TDRD9: variants seen among roughly 807,000 people sequenced by gnomAD.
TDRD9 encodes the protein ATP-dependent RNA helicase TDRD9.
A neutral mutation model predicts 172.6 loss-of-function variants in TDRD9; 124 were observed. The ratio of observed to expected loss-of-function variants is 0.72; its 90% CI spans 0.62 to 0.83. The LOEUF (loss-of-function observed/expected upper bound fraction) is 0.83. Ranked by LOEUF, TDRD9 falls within the 40% of genes least tolerant of loss-of-function variation. The pLI is 0.00. For missense variants in TDRD9, 1,479 were observed against 1,714.1 expected (o/e 0.86, Z 2.42); for synonymous variants, 619 against 617.1 (o/e 1.00, Z -0.05).
At chr14:103,938,458 A>ATTTTTTTTT (rs2030955755) in intron 1 of TDRD9, among the ~76,000 whole-genome samples, 1 of 5,624 alleles carries the variant, frequency 1.8e-4, no homozygotes, top group African/African-American at 4.4e-4. Flanking sequence ...TTTTTTTTTG[A>ATTTTTTTTT]GATGGTGTCT....
intron 2 of TDRD9, among the ~76,000 whole-genome samples, chr14:103,956,149 T>TATATATATAA (rs1566738502): frequency 2.0e-5 from 2 of 102,060 alleles, no homozygotes; most frequent in Non-Finnish European, 3.7e-5. Flanking sequence ...TATATATATA[T>TATATATATAA]AATTATTAGG....
rs2032765503 is a variant in TDRD9, at chr14:103,966,713, G to T, written c.647G>T (p.Gly216Val). The T allele has an allele frequency of 6.5e-7, 1 of 1,536,086 alleles. No individual in the cohort carries two copies. Among genetic ancestry groups the T allele is most frequent in the Admixed American group, 2.0e-5 (1 of 49,472 alleles). Residue 216 changes from glycine to valine, a missense_variant, in exon 5 of 36, where the codon GGG becomes GTG. Physicochemically the swap from Gly to Val is moderately radical, Grantham distance 109. Coordinates refer to ENST00000409874, the MANE Select transcript of TDRD9 (RefSeq NM_153046.3). ...TTTTTCCTTCTCCAATTTTAGGTAG[G>T]GCTAGAGAAAATAGCAACAGAGGAC... ...TLGGVVGYQV[G>V]LEKIATEDTR...
intron 9 of TDRD9, among the ~76,000 whole-genome samples, chr14:103,993,843 G>A (rs1400435577): frequency 1.3e-5 from 2 of 152,186 alleles, no homozygotes; most frequent in Non-Finnish European, 2.9e-5. Context: ...CTTTTTAGGG[G>A]ACACAGTTCA....
In TDRD9 at chr14:104,052,451, T is replaced by G. The variant is rs576528517; in HGVS notation, c.*369T>G. The G allele has an allele frequency of 6.5e-4, 103 of 158,636 alleles. No individual in the cohort carries two copies. The highest frequency in any genetic ancestry group is 1.2e-3 in the Non-Finnish European group (87 of 71,734). 9.8% of individuals were successfully genotyped at this position (158,636 alleles called of 1,614,324 possible). A position where few individuals can be genotyped will look rare whatever the true frequency, so the allele number is the denominator to read the frequency against. ...TTCCAGAATGTGCTTACATATTCTG[T>G]TCTGTTACAGTGATTTAAACCAGTA... On this transcript the variant is annotated 3_prime_UTR_variant, in exon 36 of 36. Transcript: ENST00000409874.
intron 28 of TDRD9, 92 bp from the exon 29 acceptor site, chr14:104,031,016 T>TA: frequency 8.7e-7 from 1 of 1,154,018 alleles, no homozygotes; most frequent in Non-Finnish European, 1.2e-6. Flanking sequence ...GAAATCAGAG[T>TA]AACACTGTGC....
chr14:103,981,023 C>A (rs1411788846), intron 7 of TDRD9, among the ~76,000 whole-genome samples: 2 of 152,116 alleles, frequency 1.3e-5, no homozygotes, highest in African/African-American at 4.8e-5. Flanking sequence ...ATAATCATAT[C>A]TAAGATCTAT....
chr14:104,046,622 A>G (rs886231300), intron 34 of TDRD9, among the ~76,000 whole-genome samples: 15 of 151,772 alleles, frequency 9.9e-5, no homozygotes, highest in Admixed American at 9.9e-4. Context: ...TTGCTGTAGC[A>G]TTAGTCCTCC....
At chr14:104,018,552 A>G (rs1250842564) in intron 23 of TDRD9, among the ~76,000 whole-genome samples, 1 of 152,220 alleles carries the variant, frequency 6.6e-6, no homozygotes, top group African/African-American at 2.4e-5. Context: ...TTTGTGGGCC[A>G]TGAAGGTGAT....
At chr14:104,014,464 A>G (rs1373154089) in intron 20 of TDRD9, among the ~76,000 whole-genome samples, 5 of 151,622 alleles carry the variant, frequency 3.3e-5, no homozygotes, top group South Asian at 2.1e-4. Flanking sequence ...TTTTTTTTGT[A>G]GAGACTGGGT....
chr14:104,013,051 T>A (rs1471516930), intron 20 of TDRD9, among the ~76,000 whole-genome samples: 1 of 152,218 alleles, frequency 6.6e-6, no homozygotes, highest in East Asian at 1.9e-4. Context: ...GAGGCGAGCA[T>A]CTGAGTGTGC....
intron 1 of TDRD9, chr14:103,940,776 T>C (rs17101946): frequency 0.026 from 37,528 of 1,452,332 alleles, 648 homozygotes; most frequent in East Asian, 0.063. Context: ...TTCTAAGGTG[T>C]TCATAAAAAC....
intron 1 of TDRD9, among the ~76,000 whole-genome samples, chr14:103,952,013 C>T (rs1329092574): frequency 1.3e-5 from 2 of 150,740 alleles, no homozygotes; most frequent in Non-Finnish European, 3.0e-5. Flanking sequence ...TGTGATCCGC[C>T]CGCCTCGGCC....
chr14:104,020,222 T>G (rs999283777), intron 23 of TDRD9, among the ~76,000 whole-genome samples: 1 of 152,200 alleles, frequency 6.6e-6, no homozygotes, highest in Non-Finnish European at 1.5e-5. Context: ...TTTATGGAAC[T>G]TACTCAGGGA....
chr14:103,948,579 C>T (rs761537785), intron 1 of TDRD9, among the ~76,000 whole-genome samples: 3 of 152,112 alleles, frequency 2.0e-5, no homozygotes, highest in Admixed American at 6.6e-5. Context: ...ATAGCTAAAA[C>T]GTGGAAGCAA....
chr14:103,996,579 G>C (rs2034067057), intron 12 of TDRD9, among the ~76,000 whole-genome samples: 1 of 152,174 alleles, frequency 6.6e-6, no homozygotes, highest in Non-Finnish European at 1.5e-5. Context: ...TATGCAAAAA[G>C]GTGGCTGGGG....
chr14:104,040,459 T>C (rs2035581733), intron 33 of TDRD9, 125 bp downstream of exon 33: 2 of 1,078,700 alleles, frequency 1.9e-6, no homozygotes, highest in Non-Finnish European at 2.5e-6. Context: ...CCTGGAGATG[T>C]GCACGTTCCT....
rs1055424763 is a variant in TDRD9, at chr14:104,017,946, A to T, written c.2332-146A>T. Reference sequence around the variant, plus strand: ...AATTTAAAAGTCTTTAAATGCACTGATCTGTAGAGTTTATATATTATGGTT... The same window carrying T: ...AATTTAAAAGTCTTTAAATGCACTGTTCTGTAGAGTTTATATATTATGGTT... On this transcript the variant is annotated intron_variant, in intron 22 of 35. Coordinates refer to ENST00000409874, the MANE Select transcript of TDRD9 (RefSeq NM_153046.3). 1.7e-5 allele frequency: 10 copies of T among 591,560 alleles called. No individual in the cohort carries two copies. The Admixed American group carries it at 3.1e-4, about 18-fold the overall frequency. 36.6% of individuals were successfully genotyped at this position (591,560 alleles called of 1,614,324 possible).
At chr14:104,027,075 T>A in intron 28 of TDRD9, 136 bp downstream of exon 28, 1 of 916,924 alleles carries the variant, frequency 1.1e-6, no homozygotes, top group Non-Finnish European at 1.6e-6. Flanking sequence ...GTACTTGTGT[T>A]AAGACTGGTG....
intron 1 of TDRD9, chr14:103,940,868 C>G (rs1367842093): frequency 1.3e-6 from 2 of 1,535,154 alleles, no homozygotes; most frequent in African/African-American, 2.7e-5. Context: ...GGGAACCTGT[C>G]CTTTGTGTTT....
Sources: allele counts gnomAD v4.1 joint callset (sites outside exome capture counted in the v4.1 genomes callset), GRCh38; gene constraint gnomAD v4.1.1; transcripts MANE v1.5; gene names NCBI Gene and HGNC (gene_info 2026-07-23, HGNC 2026-07-21).